The following XPNPEP2 variants were observed in gnomAD, a reference collection of about 807,000 sequenced individuals.
XPNPEP2 encodes the protein X-prolyl aminopeptidase 2.
A neutral mutation model predicts 59.8 loss-of-function variants in XPNPEP2; 64 were observed. That is an observed-to-expected ratio of 1.07 (90% confidence interval 0.87 to 1.32). XPNPEP2 has a LOEUF of 1.32. Among genes scored for constraint, XPNPEP2 ranks in the 40% most tolerant of loss-of-function variants. XPNPEP2 has a pLI of 0.00. For missense variants in XPNPEP2, 575 were observed against 546.8 expected (o/e 1.05, Z -0.51); for synonymous variants, 235 against 210.0 (o/e 1.12, Z -1.03).
Position 129,742,028 on chromosome X carries a change from G to A in XPNPEP2, c.50-80G>A. On this transcript the variant is annotated intron_variant, in intron 1 of 20. Coordinates refer to ENST00000371106, the MANE Select transcript of XPNPEP2 (RefSeq NM_003399.6). ...TTTCAAAGGATGGAGGCCCCGTGGG[G>A]CGGGCTGAGAGGATACTCCTTCCCT... 5.2e-6 allele frequency: 5 copies of A among 963,348 alleles called. No individual in the cohort carries two copies. The Admixed American group carries it at 9.5e-5, about 18-fold the overall frequency. The allele number at this position is 963,348 out of a possible 1,213,427, so 79.4% of individuals were successfully genotyped here. A position where few individuals can be genotyped will look rare whatever the true frequency, so the allele number is the denominator to read the frequency against.
At chrX:129,759,409 G>A (rs1408821939) in intron 15 of XPNPEP2, among the ~76,000 whole-genome samples, 169 bp downstream of exon 15, 1 of 112,683 alleles carries the variant, frequency 8.9e-6, no homozygotes, top group East Asian at 2.8e-4. Flanking sequence ...CTGCTTCCCC[G>A]GGGATATTTC....
intron 19 of XPNPEP2, among the ~76,000 whole-genome samples, chrX:129,765,635 CT>C (rs56014067): frequency 0.042 from 2,801 of 67,237 alleles, 49 homozygotes; most frequent in East Asian, 0.23. Flanking sequence ...TTCTTTCTTT[CT>C]TTTTTTTTTT....
intron 13 of XPNPEP2, among the ~76,000 whole-genome samples, chrX:129,756,075 G>A (rs1028719603): frequency 2.0e-4 from 22 of 112,446 alleles, no homozygotes; most frequent in African/African-American, 7.1e-4. Flanking sequence ...GGAAGTTAGA[G>A]ACAAAGGGCC....
chrX:129,754,901 C>T (rs1347423862), intron 12 of XPNPEP2, among the ~76,000 whole-genome samples: 1 of 111,273 alleles, frequency 9.0e-6, no homozygotes, highest in Admixed American at 9.5e-5. Flanking sequence ...CAGGTCAGCC[C>T]CTGGACCACT....
rs1926791160 is a variant in XPNPEP2 at position 129,768,350 on chromosome X, G to C, written c.1890G>C (p.Gln630His). The change falls in exon 21 of 21, where the codon CAG (glutamine) becomes CAC (histidine). Residue 630 changes from glutamine to histidine, a missense_variant. Physicochemically the swap from Gln to His is conservative, Grantham distance 24. Coordinates refer to ENST00000371106, the MANE Select transcript of XPNPEP2 (RefSeq NM_003399.6). ...TIREKVGPEL[Q>H]RRQLLEEFEW... ...GGGAGAAGGTGGGTCCAGAGCTGCAGAGGCGCCAGCTACTAGAGGAGTTCG... is the reference window on the plus strand; with the variant it reads ...GGGAGAAGGTGGGTCCAGAGCTGCACAGGCGCCAGCTACTAGAGGAGTTCG... 8.3e-7 allele frequency: 1 copy of C among 1,208,677 alleles called. No individual in the cohort carries two copies. Among genetic ancestry groups the C allele is most frequent in the Non-Finnish European group, 1.1e-6 (1 of 894,166 alleles).
intron 14 of XPNPEP2, among the ~76,000 whole-genome samples, chrX:129,757,913 A>G (rs5932677): frequency 1.2e-3 from 98 of 82,138 alleles, no homozygotes; most frequent in African/African-American, 2.8e-3. Flanking sequence ...GAAAGAAAGA[A>G]AGAAAGAAAG....
At chrX:129,749,772 C>T (rs1926359389) in intron 7 of XPNPEP2, among the ~76,000 whole-genome samples, 1 of 112,942 alleles carries the variant, frequency 8.9e-6, no homozygotes, top group Admixed American at 9.3e-5. Context: ...CAAGACAGTA[C>T]GGTGTCTGTA....
chrX:129,745,064 A>T, intron 3 of XPNPEP2, 139 bp from the exon 4 acceptor site: 1 of 639,189 alleles, frequency 1.6e-6, no homozygotes, highest in Non-Finnish European at 2.5e-6. Flanking sequence ...TTCCTGGAAG[A>T]GGCACTTGGT....
intron 14 of XPNPEP2, among the ~76,000 whole-genome samples, chrX:129,757,504 C>T (rs1221657758): frequency 9.2e-6 from 1 of 108,460 alleles, no homozygotes; most frequent in East Asian, 2.9e-4. Context: ...ACATGACAGC[C>T]GTGCAGAATA....
At chrX:129,768,177 C>A in intron 20 of XPNPEP2, 114 bp from the exon 21 acceptor site, 1 of 715,178 alleles carries the variant, frequency 1.4e-6, no homozygotes, top group South Asian at 3.8e-5. Context: ...GGACCTGTGG[C>A]CATCTGGACT....
chrX:129,746,414 G>A lies in XPNPEP2; in HGVS notation c.403+74G>A, dbSNP rs6634756. The stretch of plus-strand genomic sequence containing the variant: ...GGTTCAGGAAGGTATAGGTGAGAGC[G>A]TGCATGTAAGACCATGCTGGGCCTC... On this transcript the variant is annotated intron_variant, in intron 5 of 20. Coordinates refer to ENST00000371106, the MANE Select transcript of XPNPEP2 (RefSeq NM_003399.6). The A allele has an allele frequency of 0.024, 24,849 of 1,031,490 alleles. 1,895 individuals carry two copies. The East Asian group carries it at 0.38, about 16-fold the overall frequency. The allele number at this position is 1,031,490 out of a possible 1,213,427, so 85.0% of individuals were successfully genotyped here.
chrX:129,750,606 G>A, intron 8 of XPNPEP2, 37 bp downstream of exon 8: 1 of 1,113,420 alleles, frequency 9.0e-7, no homozygotes. Flanking sequence ...GGGCGCCTGG[G>A]TCTCCCCAAT....
At chrX:129,744,206 G>T (rs1926251773) in intron 3 of XPNPEP2, 135 bp downstream of exon 3, 1 of 552,133 alleles carries the variant, frequency 1.8e-6, no homozygotes, top group Non-Finnish European at 2.9e-6. Flanking sequence ...AGAGAGCATG[G>T]ACACGGTAGT....
chrX:129,747,887 C>A, intron 7 of XPNPEP2, 134 bp downstream of exon 7: 1 of 941,055 alleles, frequency 1.1e-6, no homozygotes, highest in Non-Finnish European at 1.5e-6. Context: ...CCTGAGTCAC[C>A]TGGGATGCTT....
intron 20 of XPNPEP2, among the ~76,000 whole-genome samples, 176 bp from the exon 21 acceptor site, chrX:129,768,115 G>A (rs1380570128): frequency 1.8e-5 from 2 of 111,036 alleles, no homozygotes; most frequent in African/African-American, 3.3e-5. Flanking sequence ...GCCAGCCAGG[G>A]GAACTGCCTC....
In XPNPEP2 at chrX:129,768,818, C is replaced by G; in HGVS notation, c.*333C>G. ...TATAACCTAGCACAGACTGCTACAGCTGCTCCCCTCCCGCCAAACAAAACC... is the reference window on the plus strand; with the variant it reads ...TATAACCTAGCACAGACTGCTACAGGTGCTCCCCTCCCGCCAAACAAAACC... On this transcript the variant is annotated 3_prime_UTR_variant, in exon 21 of 21. Coordinates refer to ENST00000371106, the MANE Select transcript of XPNPEP2 (RefSeq NM_003399.6). The G allele has an allele frequency of 6.3e-6, 1 of 157,707 alleles. No individual in the cohort carries two copies. The highest frequency in any genetic ancestry group is 1.2e-5 in the Non-Finnish European group (1 of 82,577). The allele number at this position is 157,707 out of a possible 1,213,427, so 13.0% of individuals were successfully genotyped here.
At chrX:129,768,075 C>T (rs1025718415) in intron 20 of XPNPEP2, among the ~76,000 whole-genome samples, 15 of 111,424 alleles carry the variant, frequency 1.3e-4, no homozygotes, top group Middle Eastern at 4.6e-3. Context: ...CCCACCCCAC[C>T]GCCCATGAAC....
intron 11 of XPNPEP2, 151 bp from the exon 12 acceptor site, chrX:129,754,321 T>A (rs1350565896): frequency 2.1e-6 from 1 of 477,503 alleles, no homozygotes; most frequent in Non-Finnish European, 3.4e-6. Flanking sequence ...TGATCATATA[T>A]AAACACTAAC....
intron 19 of XPNPEP2, among the ~76,000 whole-genome samples, chrX:129,766,403 C>T (rs186176355): frequency 8.9e-6 from 1 of 111,962 alleles, no homozygotes; most frequent in African/African-American, 3.2e-5. Flanking sequence ...GACGGGGTTT[C>T]ACCATGTTGG....
Sources: gnomAD v4.1 joint callset for allele counts (sites outside exome capture counted in the v4.1 genomes callset) on GRCh38, gnomAD v4.1.1 for gene constraint, MANE v1.5 for transcripts, NCBI Gene and HGNC (gene_info 2026-07-23, HGNC 2026-07-21) for gene names.